The following CPXM2 variants were observed in gnomAD, a reference collection of about 807,000 sequenced individuals.
CPXM2 encodes inactive carboxypeptidase-like protein X2.
CPXM2 carries 66 observed loss-of-function variants against 86.1 expected under a neutral mutation model. The observed-to-expected ratio is 0.77, with a 90% CI of 0.63 to 0.94. The LOEUF is 0.94. CPXM2 is among the 40% of genes least tolerant of loss of function. The pLI is 0.00. For synonymous variants in CPXM2, 388 were observed against 400.2 expected, an observed-to-expected ratio of 0.97 and a Z score of 0.36; for missense variants, 948 against 1,026.3, an observed-to-expected ratio of 0.92 and a Z score of 1.04.
At chr10:123,936,626 T>A (rs1945723189) in intron 2 of CPXM2, among the ~76,000 whole-genome samples, 1 of 152,230 alleles carries the variant, frequency 6.6e-6, no homozygotes, top group Non-Finnish European at 1.5e-5. Flanking sequence ...CTTGACCGAA[T>A]GTCTTTTCTC....
At chr10:123,895,121 CTTTTTTTTTTTTTT>C (rs869104432), upstream of CPXM2, among the ~76,000 whole-genome samples, 3 of 85,892 alleles carry the variant, frequency 3.5e-5, no homozygotes, top group South Asian at 4.5e-4. Flanking sequence ...TCTTTTTTTT[CTTTTTTTTTTTTTT>C]TTTTTTTTGA....
At chr10:123,861,309 A>G (rs1306142746) in intron 3 of CPXM2, among the ~76,000 whole-genome samples, 2 of 152,208 alleles carry the variant, frequency 1.3e-5, no homozygotes, top group South Asian at 2.1e-4. Flanking sequence ...GAGCTATAGA[A>G]AGAAAACTAG....
chr10:123,937,470 A>AC (rs1491511876), intron 2 of CPXM2, among the ~76,000 whole-genome samples: 3 of 132,590 alleles, frequency 2.3e-5, no homozygotes, highest in African/African-American at 8.3e-5. Flanking sequence ...ACAACAAAAC[A>AC]ACACACACAC....
intron 6 of CPXM2, among the ~76,000 whole-genome samples, chr10:123,786,266 A>T (rs1044927274): frequency 6.6e-6 from 1 of 152,210 alleles, no homozygotes; most frequent in Non-Finnish European, 1.5e-5. Context: ...CAACCATGAG[A>T]GGCTCACTCA....
At chr10:123,830,561 G>A (rs1848142472) in intron 4 of CPXM2, among the ~76,000 whole-genome samples, 1 of 152,182 alleles carries the variant, frequency 6.6e-6, no homozygotes, top group African/African-American at 2.4e-5. Flanking sequence ...AGAGCAAAGA[G>A]TCCCAGAAGC....
intron 13 of CPXM2, chr10:123,750,422 A>G (rs1846049124): frequency 2.0e-6 from 2 of 981,440 alleles, no homozygotes; most frequent in Non-Finnish European, 2.4e-6. Flanking sequence ...AGCCTTTGCA[A>G]TTACTGTTCC....
At chr10:123,937,515 A>ACACACG (rs1213172328) in intron 2 of CPXM2, among the ~76,000 whole-genome samples, 2 of 143,546 alleles carry the variant, frequency 1.4e-5, no homozygotes, top group Non-Finnish European at 3.0e-5. Flanking sequence ...ACACACACAC[A>ACACACG]CACACTAGAA....
At chr10:123,750,857 C>T in intron 13 of CPXM2, 4 of 985,436 alleles carry the variant, frequency 4.1e-6, no homozygotes, top group Non-Finnish European at 3.6e-6. Context: ...GTCCTCAGTT[C>T]TTGGCTGTTT....
At chr10:123,925,207 T>C (rs9794067) in intron 2 of CPXM2, among the ~76,000 whole-genome samples, 111,948 of 151,802 alleles carry the variant, frequency 0.74, 41,511 homozygotes, top group East Asian at 0.94. Flanking sequence ...TTTCCACTGT[T>C]TTACATGTTT....
upstream of CPXM2, among the ~76,000 whole-genome samples, chr10:123,943,268 T>C (rs1288736211): frequency 1.3e-5 from 2 of 152,214 alleles, no homozygotes; most frequent in Admixed American, 6.5e-5. Flanking sequence ...ATGTGTTCAT[T>C]GTATATTTTA....
intron 7 of CPXM2, among the ~76,000 whole-genome samples, chr10:123,775,675 G>GT (rs1297157656): frequency 6.6e-6 from 1 of 152,194 alleles, no homozygotes; most frequent in East Asian, 1.9e-4. Context: ...CAAAGTATTG[G>GT]TTAACAAAGT....
chr10:123,800,952 T>C (rs959712992), intron 4 of CPXM2, among the ~76,000 whole-genome samples: 1 of 152,154 alleles, frequency 6.6e-6, no homozygotes, highest in African/African-American at 2.4e-5. Flanking sequence ...TTAAACGAAC[T>C]GATTCACGCC....
intron 4 of CPXM2, among the ~76,000 whole-genome samples, chr10:123,804,944 G>C (rs1847547401): frequency 6.6e-6 from 1 of 152,018 alleles, no homozygotes; most frequent in South Asian, 2.1e-4. Flanking sequence ...CTAGTCGACT[G>C]TGTAAGAACT....
At chr10:123,890,282 G>T (rs908635397) in intron 1 of CPXM2, among the ~76,000 whole-genome samples, 1 of 152,086 alleles carries the variant, frequency 6.6e-6, no homozygotes, top group Admixed American at 6.5e-5. Context: ...AGAAATCTCC[G>T]CCCATTCAAA....
At chr10:123,906,089 C>A (rs186507346) in intron 2 of CPXM2, among the ~76,000 whole-genome samples, 242 of 152,286 alleles carry the variant, frequency 1.6e-3, no homozygotes, top group Admixed American at 4.5e-3. Flanking sequence ...CAGGCATAGC[C>A]TTGCCAGCTC....
intron 4 of CPXM2, among the ~76,000 whole-genome samples, chr10:123,806,367 C>T (rs1324138698): frequency 5.9e-5 from 9 of 152,056 alleles, no homozygotes; most frequent in Non-Finnish European, 1.2e-4. Context: ...ATTGAGTAAA[C>T]GTGCAATAAG....
chr10:123,898,196 T>C (rs1945353214), intron 2 of CPXM2, among the ~76,000 whole-genome samples: 1 of 152,120 alleles, frequency 6.6e-6, no homozygotes, highest in South Asian at 2.1e-4. Context: ...AATAAATTCC[T>C]AGAAAAATAT....
At chr10:123,783,309 G>T (rs1846976388) in intron 6 of CPXM2, among the ~76,000 whole-genome samples, 1 of 152,152 alleles carries the variant, frequency 6.6e-6, no homozygotes, top group South Asian at 2.1e-4. Flanking sequence ...ATTCTTTCTT[G>T]CACGAGGTCC....
At chr10:123,791,428 G>A (rs1847204334) in intron 6 of CPXM2, among the ~76,000 whole-genome samples, 1 of 152,170 alleles carries the variant, frequency 6.6e-6, no homozygotes, top group South Asian at 2.1e-4. Context: ...TGGTTCTGAA[G>A]GATAGAGCTT....
Sources: gnomAD v4.1 joint callset for allele counts (sites outside exome capture counted in the v4.1 genomes callset) on GRCh38, gnomAD v4.1.1 for gene constraint, MANE v1.5 for transcripts, NCBI Gene and HGNC (gene_info 2026-07-23, HGNC 2026-07-21) for gene names.